UGT1A4: variants seen among roughly 807,000 people sequenced by gnomAD.
UGT1A4 encodes the protein UDP glucuronosyltransferase family 1 member A4.
In UGT1A4, 32 loss-of-function variants were observed where a neutral mutation model predicts 41.1. That is an observed-to-expected ratio of 0.78 (90% CI 0.59 to 1.05). The LOEUF (loss-of-function observed/expected upper bound fraction) is 1.05. UGT1A4 is among the 50% of genes least tolerant of loss of function. The pLI, the probability that UGT1A4 is intolerant of heterozygous loss-of-function variation, is 0.00. For missense variants in UGT1A4, 748 were observed against 677.4 expected, an observed-to-expected ratio of 1.10 and a Z score of -1.16; for synonymous variants, 283 against 265.1, an observed-to-expected ratio of 1.07 and a Z score of -0.66.
At chr2:233,732,087 T>G (rs2078235147) in intron 1 of UGT1A4, among the ~76,000 whole-genome samples, 1 of 152,220 alleles carries the variant, frequency 6.6e-6, no homozygotes, top group African/African-American at 2.4e-5. Flanking sequence ...TGTCTTCTTT[T>G]GAGAAGTGTC....
At position 233,719,182 on chromosome 2, in the gene UGT1A4, CT is replaced by C; in HGVS notation, c.365del (p.Leu122TrpfsTer16). ...AGTATGGCAATTATGAACAATGTAT[CT>C]TTGGCCCTTCATAGGTGTTGTGTGG... is the stretch of plus-strand genomic sequence containing the variant. Reference protein sequence around the residue: ...SRSMAIMNNVSLALHRCCVEL... With the variant: ...SRSMAIMNNVXLALHRCCVEL... On this transcript the variant is annotated frameshift_variant, in exon 1 of 5. Coordinates refer to ENST00000373409, the MANE Select transcript of UGT1A4 (RefSeq NM_007120.3). LOFTEE classifies it high-confidence loss of function. The C allele has an allele frequency of 6.2e-7, 1 of 1,614,216 alleles. No homozygotes were observed. Among genetic ancestry groups the C allele is most frequent in the Non-Finnish European group, 8.5e-7 (1 of 1,180,048 alleles).
At chr2:233,738,975 T>A (rs1575626869) in intron 1 of UGT1A4, 1 of 152,266 alleles carries the variant, frequency 6.6e-6, no homozygotes, top group South Asian at 2.1e-4. Flanking sequence ...CACTGCTGTG[T>A]GCAGCCTCAG....
rs553805330 is a variant in UGT1A4, at chr2:233,754,902, A to C, written c.868-12132A>C. On this transcript the variant is annotated intron_variant, in intron 1 of 4. Coordinates refer to ENST00000373409, the MANE Select transcript of UGT1A4 (RefSeq NM_007120.3). ...TCCCAGGGAGTTCCTCTGACCCCCC[A>C]AAATATTCTCCAGCGGGTTTCCCAA... 31 of 1,352,320 alleles carry C rather than the reference A, an allele frequency of 2.3e-5. No individual in the cohort carries two copies. The East Asian group carries it at 6.4e-4, about 28-fold the overall frequency. 83.8% of individuals were successfully genotyped at this position (1,352,320 alleles called of 1,614,324 possible).
intron 1 of UGT1A4, chr2:233,721,729 A>C (rs1210902103): frequency 4.9e-6 from 2 of 408,012 alleles, no homozygotes; most frequent in Non-Finnish European, 9.8e-6. Flanking sequence ...TACTTGGATA[A>C]GCTTAATGAT....
Position 233,769,688 on chromosome 2 carries a change from C to A in UGT1A4, c.1307+1249C>A, listed in dbSNP as rs1385163206. 2.6e-6 allele frequency: 4 copies of A among 1,552,874 alleles called. No homozygotes were observed. The African/African-American group carries it at 5.4e-5, about 21-fold the overall frequency. Reference sequence around the variant, plus strand: ...AGGTGCTAATGTGTGTGTGGTGGCACTGGATAAAAGATCAATGTTGGCTAG... The same window carrying A: ...AGGTGCTAATGTGTGTGTGGTGGCAATGGATAAAAGATCAATGTTGGCTAG... On this transcript the variant is annotated intron_variant, in intron 4 of 4. Coordinates refer to ENST00000373409, the MANE Select transcript of UGT1A4 (RefSeq NM_007120.3). This position sits in a 1 kb window ranked among gnomAD's most constrained non-coding sequence, Gnocchi z 4.4.
rs1195086069 is a variant in UGT1A4 at position 233,719,355 on chromosome 2, G to GAT, written c.536_537insTA (p.Leu180ThrfsTer2). ...GTTTTTTTGGAGGTACATTCCATGT[G>GAT]ACTTAGACTTTAAGGGCACACAGTG... is the stretch of plus-strand genomic sequence containing the variant. On this transcript the variant is annotated frameshift_variant, in exon 1 of 5. Transcript: ENST00000373409. LOFTEE classifies it high-confidence loss of function. 1 of 1,613,794 alleles carries GAT rather than the reference G, an allele frequency of 6.2e-7. No homozygotes were observed. The highest frequency in any genetic ancestry group is 8.5e-7 in the Non-Finnish European group (1 of 1,179,866).
intron 1 of UGT1A4, among the ~76,000 whole-genome samples, chr2:233,757,362 A>G (rs970680016): frequency 6.6e-6 from 1 of 151,228 alleles, no homozygotes; most frequent in Non-Finnish European, 1.5e-5. Context: ...AGACAGTGGT[A>G]GAAACATCCA....
intron 1 of UGT1A4, chr2:233,743,985 A>C (rs1333314866): frequency 3.1e-6 from 4 of 1,283,108 alleles, no homozygotes; most frequent in Non-Finnish European, 4.1e-6. Flanking sequence ...ACCCAGGCGC[A>C]GGCCCGAGTG....
At chr2:233,734,277 A>G (rs1251036524) in intron 1 of UGT1A4, among the ~76,000 whole-genome samples, 2 of 152,092 alleles carry the variant, frequency 1.3e-5, no homozygotes, top group African/African-American at 4.8e-5. Context: ...CCAGGAATTT[A>G]TCCATTTCTT....
intron 1 of UGT1A4, among the ~76,000 whole-genome samples, chr2:233,744,256 G>A (rs1276151413): frequency 2.0e-5 from 3 of 151,770 alleles, no homozygotes; most frequent in Admixed American, 1.3e-4. Context: ...CTGAAGAACT[G>A]TTTTTCTTAA....
Position 233,767,908 on chromosome 2 carries a change from T to G in UGT1A4, c.1059T>G (p.Val353=). 6.2e-7 allele frequency: 1 copy of G among 1,614,222 alleles called. No homozygotes were observed. The highest frequency in any genetic ancestry group is 8.5e-7 in the Non-Finnish European group (1 of 1,180,050). ...PSNLANNTIL[V]KWLPQNDLLG... is the part of the protein sequence containing the mutation. ...ATCTTGCGAACAACACGATACTTGTTAAGTGGCTACCCCAAAACGATCTGC... is the reference window on the plus strand; with the variant it reads ...ATCTTGCGAACAACACGATACTTGTGAAGTGGCTACCCCAAAACGATCTGC... The change falls in exon 3 of 5, where the codon GTT becomes GTG. Residue 353 remains valine (V), a synonymous_variant. Transcript: ENST00000373409.
chr2:233,722,513 C>T (rs940650282), intron 1 of UGT1A4, among the ~76,000 whole-genome samples: 2 of 152,128 alleles, frequency 1.3e-5, no homozygotes, highest in Non-Finnish European at 2.9e-5. Flanking sequence ...TTAATTGCAG[C>T]TTATTTTTGC....
Position 233,719,074 on chromosome 2 carries a change from C to T in UGT1A4, c.254C>T (p.Thr85Ile). The T allele has an allele frequency of 6.2e-7, 1 of 1,614,224 alleles. No homozygotes were observed. Among genetic ancestry groups the T allele is most frequent in the Non-Finnish European group, 8.5e-7 (1 of 1,180,046 alleles). ...FTLTAYAVPW[T>I]QKEFDRVTLG... ...CTGACAGCCTATGCTGTTCCATGGA[C>T]CCAGAAGGAATTTGATCGCGTTACG... Residue 85 changes from threonine (T) to isoleucine (I), a missense_variant, in exon 1 of 5, where the codon ACC (threonine) becomes ATC (isoleucine). Transcript: ENST00000373409.
chr2:233,762,218 A>G (rs1011647338), intron 1 of UGT1A4, among the ~76,000 whole-genome samples: 2 of 152,162 alleles, frequency 1.3e-5, no homozygotes, highest in African/African-American at 4.8e-5. Flanking sequence ...GCGCCCCATA[A>G]ATCTCAGCAC....
chr2:233,724,221 C>T lies in UGT1A4; in HGVS notation c.867+4534C>T, dbSNP rs1235713996. ...GGCCGGGCTGAGGGGCTCCTCACTT[C>T]CCAGTAGGGGCGGCCGGGCAGAGGC... On this transcript the variant is annotated intron_variant, in intron 1 of 4. Coordinates refer to ENST00000373409, the MANE Select transcript of UGT1A4 (RefSeq NM_007120.3). Among the ~76,000 whole-genome samples the T allele has an allele frequency of 3.1e-5, 4 of 130,194 alleles. No individual in the cohort carries two copies. In the East Asian group the frequency reaches 9.2e-4, roughly 30 times the overall value. 85.4% of individuals were successfully genotyped at this position (130,194 alleles called of 152,430 possible). A position where few individuals can be genotyped will look rare whatever the true frequency, so the allele number is the denominator to read the frequency against.
In UGT1A4 at chr2:233,718,926, A is replaced by G. The variant is rs1264796990; in HGVS notation, c.106A>G (p.Thr36Ala). 1.2e-6 allele frequency: 2 copies of G among 1,614,126 alleles called. No homozygotes were observed. Among genetic ancestry groups the G allele is most frequent in the Non-Finnish European group, 1.7e-6 (2 of 1,179,992 alleles). The change falls in exon 1 of 5, where the codon ACT becomes GCT. Residue 36 changes from threonine to alanine, a missense_variant. Physicochemically the swap from Thr to Ala is moderately conservative, Grantham distance 58. Transcript: ENST00000373409. ...GAGTGGAAAGGTGTTGGTGGTGCCCACTGATGGCAGCCCCTGGCTCAGCAT... is the reference window on the plus strand; with the variant it reads ...GAGTGGAAAGGTGTTGGTGGTGCCCGCTGATGGCAGCCCCTGGCTCAGCAT... ...AESGKVLVVP[T>A]DGSPWLSMRE... is the part of the protein sequence containing the mutation.
chr2:233,759,973 C>G (rs1206858232), intron 1 of UGT1A4, among the ~76,000 whole-genome samples: 2 of 152,170 alleles, frequency 1.3e-5, no homozygotes, highest in African/African-American at 4.8e-5. Context: ...TTCTTCCTCT[C>G]TGGTAACACT....
At chr2:233,720,033 T>G (rs13401281) in intron 1 of UGT1A4, among the ~76,000 whole-genome samples, 61,071 of 151,978 alleles carry the variant, frequency 0.4, 13,005 homozygotes, top group African/African-American at 0.54. Context: ...TTTGCTTGCC[T>G]GATTTTCAGC....
Position 233,768,224 on chromosome 2 carries a change from C to T in UGT1A4, c.1092C>T (p.His364=), listed in dbSNP as rs758090189. The change falls in exon 4 of 5, where the codon CAC becomes CAT. Residue 364 remains histidine (H), a synonymous_variant. Coordinates refer to ENST00000373409, the MANE Select transcript of UGT1A4 (RefSeq NM_007120.3). ...CCTCCCTATTTTGCATCTCAGGTCA[C>T]CCGATGACCCGTGCCTTTATCACCC... ...KWLPQNDLLG[H]PMTRAFITHA... is the part of the protein sequence containing the mutation. 13 of 1,614,174 alleles carry T rather than the reference C, an allele frequency of 8.1e-6. No individual in the cohort carries two copies. The highest frequency in any genetic ancestry group is 1.3e-5 in the African/African-American group (1 of 75,028).
Sources: gnomAD v4.1 joint callset for allele counts (sites outside exome capture counted in the v4.1 genomes callset) on GRCh38, gnomAD v4.1.1 for gene constraint, Gnocchi (gnomAD v3.1) non-coding constraint, MANE v1.5 for transcripts, NCBI Gene and HGNC (gene_info 2026-07-23, HGNC 2026-07-21) for gene names.